SEL1L2: variants seen among roughly 807,000 people sequenced by gnomAD.
SEL1L2 encodes SEL1L2 adaptor subunit of SYVN1 ubiquitin ligase.
SEL1L2 carries 89 observed loss-of-function variants against 98.8 expected under a neutral mutation model. That is an observed-to-expected ratio of 0.90 (90% confidence interval 0.76 to 1.07). The LOEUF is 1.07. Ranked by LOEUF, SEL1L2 falls within the 50% of genes least tolerant of loss-of-function variation. The probability of loss-of-function intolerance (pLI) is 0.00; values close to 1 mark genes in which losing one functional copy is unlikely to be tolerated. For synonymous variants in SEL1L2, 262 were observed against 278.5 expected (o/e 0.94, Z 0.59); for missense variants, 788 against 812.0 (o/e 0.97, Z 0.36).
intron 11 of SEL1L2, 149 bp from the exon 12 acceptor site, chr20:13,876,264 A>G (rs1711633370): frequency 1.6e-6 from 1 of 616,538 alleles, no homozygotes; most frequent in Non-Finnish European, 2.9e-6. Flanking sequence ...TAAAGTGGTC[A>G]ATTTTGTGTT....
At chr20:13,876,213 T>C (rs906189105) in intron 11 of SEL1L2, 98 bp from the exon 12 acceptor site, 22 of 840,790 alleles carry the variant, frequency 2.6e-5, no homozygotes, top group Admixed American at 1.3e-4. Flanking sequence ...GTACAACATA[T>C]TGAATGTAGT....
intron 1 of SEL1L2, among the ~76,000 whole-genome samples, chr20:13,981,242 C>A (rs935409421): frequency 6.6e-6 from 1 of 151,928 alleles, no homozygotes; most frequent in Non-Finnish European, 1.5e-5. Flanking sequence ...AACTCCACAA[C>A]CCCCCTAAAA....
At chr20:13,868,606 CT>C (rs1259507156) in intron 14 of SEL1L2, among the ~76,000 whole-genome samples, 3,382 of 138,508 alleles carry the variant, frequency 0.024, 36 homozygotes, top group Non-Finnish European at 0.035. Context: ...TTCTTTCTTA[CT>C]TTTTTTTTTT....
chr20:13,859,071 T>C (rs1315931031), intron 18 of SEL1L2, among the ~76,000 whole-genome samples, 191 bp downstream of exon 18: 1 of 152,204 alleles, frequency 6.6e-6, no homozygotes, highest in African/African-American at 2.4e-5. Flanking sequence ...ATGGAGAAAA[T>C]AACTTCTATC....
chr20:13,920,565 T>C (rs1300242508), intron 3 of SEL1L2, among the ~76,000 whole-genome samples: 2 of 140,898 alleles, frequency 1.4e-5, no homozygotes, highest in Non-Finnish European at 3.1e-5. Context: ...TTTTTCTCTC[T>C]CTCTCACACA....
chr20:13,938,696 C>T lies in SEL1L2; in HGVS notation c.115-6925G>A, dbSNP rs1302525911. ...TGTCTAACTGTGAGCAAATTAACCT[C>T]TCTGTGACTTACTTTACCCCTCTAT... On this transcript the variant is annotated intron_variant, in intron 2 of 19. Transcript: ENST00000284951. Among the ~76,000 whole-genome samples, 6 of 152,120 alleles carry T rather than the reference C, an allele frequency of 3.9e-5. No individual in the cohort carries two copies. The East Asian group carries it at 1.2e-3, about 29-fold the overall frequency.
At chr20:13,958,272 A>T (rs2050631053) in intron 1 of SEL1L2, among the ~76,000 whole-genome samples, 1 of 152,196 alleles carries the variant, frequency 6.6e-6, no homozygotes, top group Admixed American at 6.5e-5. Flanking sequence ...TATTATTATT[A>T]TATGGAACCT....
chr20:13,955,159 C>T (rs185795323), intron 2 of SEL1L2, among the ~76,000 whole-genome samples: 1 of 152,178 alleles, frequency 6.6e-6, no homozygotes, highest in Admixed American at 6.5e-5. Context: ...AAAACCCTTG[C>T]TCTCATGGAG....
At chr20:13,892,887 T>C (rs1457109061) in intron 5 of SEL1L2, among the ~76,000 whole-genome samples, 1 of 152,210 alleles carries the variant, frequency 6.6e-6, no homozygotes, top group Admixed American at 6.5e-5. Flanking sequence ...CAAGATGGAC[T>C]CCCTGTGGCT....
chr20:13,919,924 C>CAAAAA lies in SEL1L2; in HGVS notation c.284-806_284-802dup, dbSNP rs10655831. Among the ~76,000 whole-genome samples the CAAAAA allele has an allele frequency of 7.7e-5, 10 of 130,156 alleles. 1 individual carries two copies. The highest frequency in any genetic ancestry group is 1.1e-4 in the Non-Finnish European group (7 of 61,166). The allele number at this position is 130,156 out of a possible 152,430, so 85.4% of individuals were successfully genotyped here. A position where few individuals can be genotyped will look rare whatever the true frequency, so the allele number is the denominator to read the frequency against. Reference sequence around the variant, plus strand: ...TAGGTGACAGAGCGAGACTCCGTCTCAAAAAAAAAAAAAAATGTTATTGGC... The same window carrying CAAAAA: ...TAGGTGACAGAGCGAGACTCCGTCTCAAAAAAAAAAAAAAAAAAAATGTTATTGGC... On this transcript the variant is annotated intron_variant, in intron 3 of 19. Transcript: ENST00000284951.
At chr20:13,936,836 T>G (rs2049477902) in intron 2 of SEL1L2, among the ~76,000 whole-genome samples, 1 of 152,232 alleles carries the variant, frequency 6.6e-6, no homozygotes, top group Non-Finnish European at 1.5e-5. Context: ...AGATTCACAC[T>G]GGATAAGTTT....
Position 13,974,105 on chromosome 20 carries a change from A to G in SEL1L2, c.58+16372T>C, listed in dbSNP as rs75451271. ...TGTGTGGCCATTAAAACTAATGTCT[A>G]CACTTGTCTAGCACAGGGGCAAAAG... On this transcript the variant is annotated intron_variant, in intron 1 of 19. Coordinates refer to ENST00000284951, the MANE Select transcript of SEL1L2 (RefSeq NM_025229.2). Among the ~76,000 whole-genome samples, 449 of 152,134 alleles carry G rather than the reference A, an allele frequency of 3.0e-3. 2 individuals carry two copies. Among genetic ancestry groups the G allele is most frequent in the Non-Finnish European group, 5.7e-3 (389 of 67,966 alleles).
chr20:13,900,515 A>G (rs1431092008), intron 5 of SEL1L2, among the ~76,000 whole-genome samples: 1 of 152,196 alleles, frequency 6.6e-6, no homozygotes, highest in Non-Finnish European at 1.5e-5. Flanking sequence ...AACAAAAAAC[A>G]GTTGGATCCA....
At chr20:13,882,921 A>G (rs1269520009) in intron 10 of SEL1L2, among the ~76,000 whole-genome samples, 1 of 140,158 alleles carries the variant, frequency 7.1e-6, no homozygotes, top group Non-Finnish European at 1.5e-5. Context: ...GGTTCACGCC[A>G]TTCTCCTGCC....
chr20:13,865,108 G>T (rs781683343), intron 17 of SEL1L2, 59 bp downstream of exon 17: 10 of 1,355,534 alleles, frequency 7.4e-6, no homozygotes, highest in Non-Finnish European at 1.0e-5. Context: ...TACAGCAAAC[G>T]TGATGAATAA....
Position 13,888,809 on chromosome 20 carries a change from TTTTTTTTTTTGTA to T in SEL1L2, c.550-310_550-298del, listed in dbSNP as rs1337218160. 2.9e-4 allele frequency among the ~76,000 whole-genome samples: 43 copies of T among 149,898 alleles called. No homozygotes were observed. In the East Asian group the frequency reaches 7.5e-3, roughly 26 times the overall value. On this transcript the variant is annotated intron_variant, in intron 5 of 19. Transcript: ENST00000284951. Reference sequence around the variant, plus strand: ...TCCAGCCACCACGCCCCGCTATTTTTTTTTTTTTTTGTATTTTTAGTAGAGATGGGGCTTCACC... The same window carrying T: ...TCCAGCCACCACGCCCCGCTATTTTTTTTTTAGTAGAGATGGGGCTTCACC...
At chr20:13,918,985 A>G (rs1568967994) in intron 4 of SEL1L2, 36 bp downstream of exon 4, 4 of 1,426,576 alleles carry the variant, frequency 2.8e-6, no homozygotes, top group Non-Finnish European at 3.9e-6. Context: ...TAACCTGGAA[A>G]TTCAACTTGG....
chr20:13,937,425 G>T (rs1347252844), intron 2 of SEL1L2, among the ~76,000 whole-genome samples: 2 of 152,218 alleles, frequency 1.3e-5, no homozygotes, highest in East Asian at 1.9e-4. Flanking sequence ...CTAGGAGCCT[G>T]CTCTCTTCAG....
intron 5 of SEL1L2, among the ~76,000 whole-genome samples, chr20:13,899,801 T>G (rs1455680202): frequency 6.6e-6 from 1 of 152,162 alleles, no homozygotes; most frequent in African/African-American, 2.4e-5. Flanking sequence ...AGTGATAGGG[T>G]GCTATTTTAT....
Sources: gnomAD v4.1 joint callset for allele counts (sites outside exome capture counted in the v4.1 genomes callset) on GRCh38, gnomAD v4.1.1 for gene constraint, MANE v1.5 for transcripts, NCBI Gene and HGNC (gene_info 2026-07-23, HGNC 2026-07-21) for gene names.